The following MYO9A variants were observed in gnomAD, a reference collection of about 807,000 sequenced individuals.
MYO9A encodes the protein myosin IXA.
Under a neutral mutation model 293.3 loss-of-function variants are expected in MYO9A, and 103 were observed. That is an observed-to-expected ratio of 0.35 (90% CI 0.30 to 0.41). The LOEUF (loss-of-function observed/expected upper bound fraction) is 0.41. MYO9A is among the 10% of genes least tolerant of loss of function. The pLI is 1.00. For synonymous variants in MYO9A, 1,001 were observed against 1,035.7 expected (o/e 0.97, Z 0.64); for missense variants, 2,685 against 3,033.0 (o/e 0.89, Z 2.69).
chr15:72,045,768 T>C lies in MYO9A; in HGVS notation c.796A>G (p.Ser266Gly). ...LTALSQKGFA[S>G]GVEQIILGAG... ...CCAAGAATAATCTGTTCTACTCCACTGGCAAATCCTTTCTGACTGAGAGCA... is the reference window on the plus strand; with the variant it reads ...CCAAGAATAATCTGTTCTACTCCACCGGCAAATCCTTTCTGACTGAGAGCA... The change falls in exon 2 of 42, where the codon AGT (serine) becomes GGT (glycine). Residue 266 changes from serine to glycine, a missense_variant. By Grantham distance (56) the Ser-to-Gly change is moderately conservative. Around this residue, in one of 10 missense-constraint regions of MYO9A, gnomAD observed 289 missense variants for 456.8 expected, o/e 0.63. Coordinates refer to ENST00000356056, the MANE Select transcript of MYO9A (RefSeq NM_006901.4). The C allele has an allele frequency of 6.2e-7, 1 of 1,614,032 alleles. No individual in the cohort carries two copies. Among genetic ancestry groups the C allele is most frequent in the East Asian group, 2.2e-5 (1 of 44,882 alleles).
At chr15:71,847,751 T>C (rs2055452201) in intron 39 of MYO9A, among the ~76,000 whole-genome samples, 1 of 152,206 alleles carries the variant, frequency 6.6e-6, no homozygotes, top group South Asian at 2.1e-4. Flanking sequence ...CTGTTTTTAA[T>C]TTCTGGGGAA....
intron 39 of MYO9A, among the ~76,000 whole-genome samples, chr15:71,840,468 T>A (rs946813465): frequency 6.6e-6 from 1 of 151,938 alleles, no homozygotes; most frequent in African/African-American, 2.4e-5. Flanking sequence ...GTCATATGAG[T>A]CTGAAAGTTG....
intron 25 of MYO9A, among the ~76,000 whole-genome samples, chr15:71,895,661 G>T (rs1294048403): frequency 1.3e-5 from 2 of 151,956 alleles, no homozygotes. Context: ...AACAGGATGA[G>T]ATTTAAAGTA....
chr15:71,826,755 C>CAA lies in MYO9A; in HGVS notation c.7471_7472insTT (p.Gly2491ValfsTer13). On this transcript the variant is annotated frameshift_variant, in exon 42 of 42. Coordinates refer to ENST00000356056, the MANE Select transcript of MYO9A (RefSeq NM_006901.4). LOFTEE classifies it high-confidence loss of function. ...TTTGCCCTTTTCCGGGTTGAAGGTT[C>CAA]CTCTGCTGATGAACTGAGGCTTGTC... is the stretch of plus-strand genomic sequence containing the variant. 6.2e-7 allele frequency: 1 copy of CAA among 1,614,124 alleles called. No individual in the cohort carries two copies. Among genetic ancestry groups the CAA allele is most frequent in the Non-Finnish European group, 8.5e-7 (1 of 1,179,994 alleles).
At chr15:72,035,062 C>A (rs60857247) in intron 2 of MYO9A, among the ~76,000 whole-genome samples, 1 of 152,176 alleles carries the variant, frequency 6.6e-6, no homozygotes. Context: ...CAATGAGATA[C>A]TACTACACAC....
intron 27 of MYO9A, among the ~76,000 whole-genome samples, chr15:71,886,696 CCA>C (rs780590964): frequency 5.3e-5 from 8 of 152,056 alleles, no homozygotes; most frequent in East Asian, 1.9e-4. Context: ...TTTTTGGATT[CCA>C]CAGTTTTATT....
At chr15:72,009,799 T>G (rs191990989) in intron 7 of MYO9A, among the ~76,000 whole-genome samples, 96 of 152,350 alleles carry the variant, frequency 6.3e-4, no homozygotes, top group Middle Eastern at 3.4e-3. Context: ...TATTTCTTTC[T>G]GGTGAGAGCC....
chr15:71,960,011 A>G lies in MYO9A; in HGVS notation c.2072T>C (p.Met691Thr), dbSNP rs1177701307. ...RSSKNAFISG[M>T]IGIDPVAVFR... Reference sequence around the variant, plus strand: ...AACAGCTACAGGATCAATTCCAATCATCCCAGAGATAAATGCATTCTTGCT... The same window carrying G: ...AACAGCTACAGGATCAATTCCAATCGTCCCAGAGATAAATGCATTCTTGCT... Residue 691 changes from methionine (M) to threonine (T), a missense_variant, in exon 14 of 42, where the codon ATG (methionine) becomes ACG (threonine). Met to Thr is a moderately conservative substitution (Grantham distance 81, BLOSUM62 -1). Around this residue, in one of 10 missense-constraint regions of MYO9A, gnomAD observed 201 missense variants for 245.2 expected, o/e 0.82. Coordinates refer to ENST00000356056, the MANE Select transcript of MYO9A (RefSeq NM_006901.4). 2 of 1,614,122 alleles carry G rather than the reference A, an allele frequency of 1.2e-6. No homozygotes were observed. The highest frequency in any genetic ancestry group is 2.2e-5 in the East Asian group (1 of 44,878).
intron 18 of MYO9A, among the ~76,000 whole-genome samples, chr15:71,919,467 T>G (rs2058097801): frequency 6.6e-6 from 1 of 151,584 alleles, no homozygotes; most frequent in Non-Finnish European, 1.5e-5. Context: ...AAATAAGAGA[T>G]AACCTCCCAA....
At chr15:72,104,669 C>A (rs1159650145) in intron 1 of MYO9A, among the ~76,000 whole-genome samples, 1 of 152,192 alleles carries the variant, frequency 6.6e-6, no homozygotes, top group African/African-American at 2.4e-5. Flanking sequence ...ATTCTACAAG[C>A]CCAGAGACTG....
In MYO9A at chr15:71,848,987, GA is replaced by G. The variant is rs768692637; in HGVS notation, c.6714-20del. On this transcript the variant is annotated intron_variant, in intron 38 of 41. Coordinates refer to ENST00000356056, the MANE Select transcript of MYO9A (RefSeq NM_006901.4). Reference sequence around the variant, plus strand: ...CACACAACTGAAACAGAAGGAAAGAGAAAAAAACTGTTAAGAGGTGAAGTAA... The same window carrying G: ...CACACAACTGAAACAGAAGGAAAGAGAAAAAACTGTTAAGAGGTGAAGTAA... 14 of 1,566,916 alleles carry G rather than the reference GA, an allele frequency of 8.9e-6. No homozygotes were observed. The Admixed American group carries it at 2.5e-4, about 28-fold the overall frequency.
At position 72,042,871 on chromosome 15, in the gene MYO9A, G is replaced by A. The variant is rs1194503237; in HGVS notation, c.840+2853C>T. 2.6e-5 allele frequency among the ~76,000 whole-genome samples: 4 copies of A among 151,782 alleles called. No individual in the cohort carries two copies. In the South Asian group the frequency reaches 6.2e-4, roughly 24 times the overall value. On this transcript the variant is annotated intron_variant, in intron 2 of 41. Transcript: ENST00000356056. ...GAGCTCAGGAGTTCAGGACCAGCCC[G>A]CCTAGGCAACATAGTGAGACCTCGT...
intron 39 of MYO9A, among the ~76,000 whole-genome samples, chr15:71,843,765 C>T (rs967727005): frequency 6.6e-6 from 1 of 152,170 alleles, no homozygotes. Context: ...GCTACCACTC[C>T]CAGCCCCTTT....
chr15:71,905,483 T>A (rs1423635214), intron 19 of MYO9A, among the ~76,000 whole-genome samples: 2 of 152,082 alleles, frequency 1.3e-5, no homozygotes, highest in Non-Finnish European at 1.5e-5. Context: ...TAGAAATTTA[T>A]CAACTTTTTG....
intron 28 of MYO9A, among the ~76,000 whole-genome samples, chr15:71,882,136 G>A (rs945681627): frequency 6.6e-6 from 1 of 152,248 alleles, no homozygotes; most frequent in African/African-American, 2.4e-5. Flanking sequence ...TCCTAGATAT[G>A]AGAAGATGCT....
chr15:72,081,599 C>T (rs1444309635), intron 1 of MYO9A, among the ~76,000 whole-genome samples: 1 of 152,086 alleles, frequency 6.6e-6, no homozygotes, highest in East Asian at 1.9e-4. Context: ...TTGGTGTCTT[C>T]GTCATAAAAT....
intron 17 of MYO9A, 30 bp from the exon 18 acceptor site, chr15:71,933,739 G>C (rs184327395): frequency 6.4e-7 from 1 of 1,571,128 alleles, no homozygotes; most frequent in African/African-American, 1.4e-5. Context: ...ATTAAAAAAA[G>C]CTACTGTATA....
intron 9 of MYO9A, among the ~76,000 whole-genome samples, chr15:71,997,399 G>A (rs2076728773): frequency 6.6e-6 from 1 of 152,066 alleles, no homozygotes; most frequent in South Asian, 2.1e-4. Context: ...AGGAGTTCGA[G>A]ATCAGCCTGA....
At chr15:71,916,230 T>C (rs1365165222) in intron 19 of MYO9A, 140 bp downstream of exon 19, 4 of 984,398 alleles carry the variant, frequency 4.1e-6, no homozygotes, top group Non-Finnish European at 5.5e-6. Flanking sequence ...GGTTCTTTTT[T>C]CCAAAATGAT....
Sources: gnomAD v4.1 joint callset for allele counts (sites outside exome capture counted in the v4.1 genomes callset) on GRCh38, gnomAD v4.1.1 for gene constraint, gnomAD v4.1.1 regional missense constraint, MANE v1.5 for transcripts, NCBI Gene and HGNC (gene_info 2026-07-23, HGNC 2026-07-21) for gene names.